The following THOC5 variants were observed in gnomAD, a reference collection of about 807,000 sequenced individuals.
THOC5 encodes the protein THO complex subunit 5, also known as Fms-interacting protein.
THOC5 carries 43 observed loss-of-function variants against 92.9 expected under a neutral mutation model. The observed-to-expected ratio is 0.46, with a 90% CI of 0.36 to 0.60. THOC5 has a LOEUF of 0.60. THOC5 is among the 20% of genes least tolerant of loss of function. The probability of loss-of-function intolerance (pLI) is 0.00; values close to 1 mark genes in which losing one functional copy is unlikely to be tolerated. For synonymous variants in THOC5, 296 were observed against 320.1 expected, an observed-to-expected ratio of 0.92 and a Z score of 0.80; for missense variants, 659 against 849.4, an observed-to-expected ratio of 0.78 and a Z score of 2.79.
At chr22:29,528,781 G>A (rs1263153084) in intron 9 of THOC5, among the ~76,000 whole-genome samples, 1 of 152,098 alleles carries the variant, frequency 6.6e-6, no homozygotes, top group Admixed American at 6.5e-5. Context: ...AATAATAGTA[G>A]TAGAAGCATG....
At chr22:29,542,128 CA>C (rs910257850) in intron 5 of THOC5, among the ~76,000 whole-genome samples, 9 of 151,736 alleles carry the variant, frequency 5.9e-5, no homozygotes, top group Non-Finnish European at 1.3e-4. Flanking sequence ...GGCAGCTAAG[CA>C]GCAAGAAATT....
intron 14 of THOC5, 26 bp from the exon 15 acceptor site, chr22:29,519,146 A>T (rs1275551208): frequency 6.6e-7 from 1 of 1,514,776 alleles, no homozygotes; most frequent in Admixed American, 1.7e-5. Context: ...AGACACATAC[A>T]CGTGTGCTCC....
At chr22:29,520,963 T>A (rs755420334) in intron 13 of THOC5, 35 bp downstream of exon 13, 3 of 1,534,616 alleles carry the variant, frequency 2.0e-6, no homozygotes, top group Non-Finnish European at 1.8e-6. Flanking sequence ...AACTCAGAAG[T>A]AGAGAGCTCG....
chr22:29,526,016 G>T, intron 11 of THOC5, 70 bp from the exon 12 acceptor site: 9 of 712,126 alleles, frequency 1.3e-5, no homozygotes, highest in Non-Finnish European at 1.8e-5. Context: ...AGTCATAGGG[G>T]GTAGTAAGGT....
intron 8 of THOC5, among the ~76,000 whole-genome samples, chr22:29,529,712 G>T (rs2063615610): frequency 6.6e-6 from 1 of 152,220 alleles, no homozygotes. Flanking sequence ...GAGGCAGTAG[G>T]ACAGTGAATA....
intron 5 of THOC5, 45 bp from the exon 6 acceptor site, chr22:29,539,521 A>T (rs771277216): frequency 4.4e-6 from 7 of 1,593,826 alleles, no homozygotes; most frequent in Non-Finnish European, 6.0e-6. Context: ...TCAGGAAACT[A>T]AACTGTAGTT....
In THOC5 at chr22:29,518,348, G is replaced by A. The variant is rs2267146; in HGVS notation, c.1489+658C>T. ...GCGCCTGTCCCAGAGACTCTTTTAG[G>A]TCAGAAAAATCTTGACCCCATCCCC... is the stretch of plus-strand genomic sequence containing the variant. On this transcript the variant is annotated intron_variant, in intron 15 of 19. Coordinates refer to ENST00000490103, the MANE Select transcript of THOC5 (RefSeq NM_003678.5). Among the ~76,000 whole-genome samples the A allele has an allele frequency of 0.024, 3,633 of 152,188 alleles. 364 individuals carry two copies. The East Asian group carries it at 0.35, about 15-fold the overall frequency.
rs772949797 is a variant in THOC5, at chr22:29,520,064, G to A, written c.1318C>T (p.Pro440Ser). 6 of 1,613,840 alleles carry A rather than the reference G, an allele frequency of 3.7e-6. No homozygotes were observed. The South Asian group carries it at 6.6e-5, about 18-fold the overall frequency. The change falls in exon 14 of 20, where the codon CCC becomes TCC. Residue 440 changes from proline (P) to serine (S), a missense_variant. Transcript: ENST00000490103. Reference sequence around the variant, plus strand: ...CCCAGCTTCTGCACCCACAAATAGGGGTGACCTAGCTCAAGTACATAGTCG... The same window carrying A: ...CCCAGCTTCTGCACCCACAAATAGGAGTGACCTAGCTCAAGTACATAGTCG... The part of the protein sequence containing the change: ...LSDYVLELGH[P>S]YLWVQKLGGL...
intron 13 of THOC5, 148 bp downstream of exon 13, chr22:29,520,850 G>A: frequency 1.5e-6 from 1 of 674,040 alleles, no homozygotes; most frequent in East Asian, 2.5e-5. Flanking sequence ...TGCCTTGTAA[G>A]CAAGAAAGAA....
intron 1 of THOC5, among the ~76,000 whole-genome samples, chr22:29,552,185 G>A (rs1245802226): frequency 6.6e-6 from 1 of 152,056 alleles, no homozygotes; most frequent in East Asian, 1.9e-4. Flanking sequence ...TGCCAAGATT[G>A]CAGCCTCTGC....
intron 17 of THOC5, among the ~76,000 whole-genome samples, chr22:29,514,356 A>C (rs1383446225): frequency 2.8e-5 from 4 of 142,154 alleles, no homozygotes; most frequent in Admixed American, 1.5e-4. Context: ...TCGCACTGTC[A>C]CCCAGGCTGG....
At chr22:29,531,312 C>T in intron 8 of THOC5, 1 of 985,398 alleles carries the variant, frequency 1.0e-6, no homozygotes, top group Non-Finnish European at 1.2e-6. Flanking sequence ...GGGCAAAAGG[C>T]AGAGTCTCCA....
rs1182531344 is a variant in THOC5, at chr22:29,517,109, T to C, written c.1601A>G (p.His534Arg). The change falls in exon 17 of 20, where the codon CAC becomes CGC. Residue 534 changes from histidine (H) to arginine (R), a missense_variant. Coordinates refer to ENST00000490103, the MANE Select transcript of THOC5 (RefSeq NM_003678.5). Reference protein sequence around the residue: ...TVAHEDYMELHFTKDIVDAGL... With the variant: ...TVAHEDYMELRFTKDIVDAGL... ...CGCATCCACAATGTCTTTGGTGAAG[T>C]GCAGCTCCTAGAAGAGGTACCACAG... is the stretch of plus-strand genomic sequence containing the variant. 1 of 1,614,144 alleles carries C rather than the reference T, an allele frequency of 6.2e-7. No homozygotes were observed. The highest frequency in any genetic ancestry group is 2.2e-5 in the East Asian group (1 of 44,880).
intron 1 of THOC5, among the ~76,000 whole-genome samples, chr22:29,552,993 T>C (rs2064204891): frequency 6.6e-6 from 1 of 152,036 alleles, no homozygotes; most frequent in Admixed American, 6.5e-5. Flanking sequence ...GTTAAATGGA[T>C]TAAGGGCGGG....
intron 5 of THOC5, among the ~76,000 whole-genome samples, chr22:29,541,853 TC>T (rs1422452880): frequency 2.0e-4 from 14 of 70,454 alleles, no homozygotes; most frequent in South Asian, 6.0e-4. Flanking sequence ...AGAGCAAGAC[TC>T]CATCTCCAAA....
intron 17 of THOC5, among the ~76,000 whole-genome samples, chr22:29,513,515 T>C (rs1005314197): frequency 5.9e-5 from 9 of 151,940 alleles, no homozygotes; most frequent in Non-Finnish European, 1.3e-4. Context: ...TAGTGAAATC[T>C]CATCTCTAGT....
In THOC5 at chr22:29,508,502, C is replaced by T. The variant is rs1481825082; in HGVS notation, c.2007G>A (p.Lys669=). Reference sequence around the variant, plus strand: ...CCTGAGGATGGTTGTATTTAAATGGCTTCATCCTGCTAGGACCCCTAGAGA... The same window carrying T: ...CCTGAGGATGGTTGTATTTAAATGGTTTCATCCTGCTAGGACCCCTAGAGA... ...LRLFRGPSRM[K]PFKYNHPQGF... Residue 669 remains lysine, a synonymous_variant, in exon 20 of 20, where the codon AAG becomes AAA. Coordinates refer to ENST00000490103, the MANE Select transcript of THOC5 (RefSeq NM_003678.5). 9 of 1,614,080 alleles carry T rather than the reference C, an allele frequency of 5.6e-6. No homozygotes were observed. Among genetic ancestry groups the T allele is most frequent in the Non-Finnish European group, 7.6e-6 (9 of 1,179,976 alleles).
chr22:29,542,724 ACTGCACTCCAG>A, intron 5 of THOC5, 124 bp downstream of exon 5: 1 of 528,618 alleles, frequency 1.9e-6, no homozygotes. Context: ...AGATTGCGCC[ACTGCACTCCAG>A]CCTGGGTGAC....
In THOC5 at chr22:29,525,764, G is replaced by C. The variant is rs546110809; in HGVS notation, c.1175+74C>G. On this transcript the variant is annotated intron_variant, in intron 12 of 19. Transcript: ENST00000490103. ...CTCTCCAGAGCCAGAGGGAGGAACCGAGAGCAGCCCCACAATGAGGCTCTC... is the reference window on the plus strand; with the variant it reads ...CTCTCCAGAGCCAGAGGGAGGAACCCAGAGCAGCCCCACAATGAGGCTCTC... The C allele has an allele frequency of 1.3e-5, 16 of 1,248,608 alleles. 1 individual carries two copies. The Admixed American group carries it at 2.8e-4, about 22-fold the overall frequency. The allele number at this position is 1,248,608 out of a possible 1,614,324, so 77.3% of individuals were successfully genotyped here. A position where few individuals can be genotyped will look rare whatever the true frequency, so the allele number is the denominator to read the frequency against.
Sources: allele counts gnomAD v4.1 joint callset (sites outside exome capture counted in the v4.1 genomes callset), GRCh38; gene constraint gnomAD v4.1.1; transcripts MANE v1.5; gene names NCBI Gene and HGNC (gene_info 2026-07-23, HGNC 2026-07-21).